RPIA: variants seen among roughly 807,000 people sequenced by gnomAD.
RPIA encodes ribose-5-phosphate isomerase.
RPIA carries 29 observed loss-of-function variants against 37.8 expected under a neutral mutation model. The ratio of observed to expected loss-of-function variants is 0.77; its 90% CI spans 0.57 to 1.05. The LOEUF (loss-of-function observed/expected upper bound fraction) is 1.05, where lower values mean the gene tolerates loss of function less well. Among genes scored for constraint, RPIA ranks in the 50% least tolerant of loss-of-function variants. The pLI, the probability that RPIA is intolerant of heterozygous loss-of-function variation, is 0.00. For synonymous variants in RPIA, 167 were observed against 157.0 expected (o/e 1.06, Z -0.48); for missense variants, 385 against 413.6 (o/e 0.93, Z 0.60).
At chr2:88,721,124 C>T (rs960138515) in intron 3 of RPIA, among the ~76,000 whole-genome samples, 2 of 151,902 alleles carry the variant, frequency 1.3e-5, no homozygotes, top group African/African-American at 2.4e-5. Context: ...AACAGAAAAC[C>T]AGACACTGCA....
chr2:88,699,379 A>G (rs1672801208), intron 2 of RPIA, among the ~76,000 whole-genome samples: 1 of 152,182 alleles, frequency 6.6e-6, no homozygotes, highest in Non-Finnish European at 1.5e-5. Flanking sequence ...TGAAATTTTA[A>G]TACGAATTTT....
chr2:88,709,356 G>A (rs1392535878), intron 3 of RPIA, among the ~76,000 whole-genome samples: 1 of 152,158 alleles, frequency 6.6e-6, no homozygotes, highest in African/African-American at 2.4e-5. Context: ...CTGGGCTGGA[G>A]GTAATTGGAT....
intron 1 of RPIA, among the ~76,000 whole-genome samples, chr2:88,695,919 T>G (rs1672735273): frequency 6.6e-6 from 1 of 151,570 alleles, no homozygotes; most frequent in Admixed American, 6.6e-5. Context: ...TGTGGGGACA[T>G]TAGTATTTGA....
chr2:88,737,921 C>T, intron 7 of RPIA, 56 bp from the exon 8 acceptor site: 1 of 1,313,332 alleles, frequency 7.6e-7, no homozygotes, highest in Non-Finnish European at 1.1e-6. Flanking sequence ...ACTTTCCTGT[C>T]CTTCTCTGCC....
At chr2:88,733,047 G>C (rs1673266101) in intron 4 of RPIA, among the ~76,000 whole-genome samples, 2 of 152,214 alleles carry the variant, frequency 1.3e-5, no homozygotes, top group Non-Finnish European at 2.9e-5. Flanking sequence ...GGCAGAATCA[G>C]AATTTGAACT....
chr2:88,733,371 G>A (rs1325211834), intron 4 of RPIA, among the ~76,000 whole-genome samples: 2 of 152,220 alleles, frequency 1.3e-5, no homozygotes, highest in African/African-American at 4.8e-5. Flanking sequence ...GGTAGCCCAT[G>A]TTTCTGTCAT....
At chr2:88,739,571 G>A (rs1387773976) in intron 8 of RPIA, among the ~76,000 whole-genome samples, 1 of 152,204 alleles carries the variant, frequency 6.6e-6, no homozygotes, top group Non-Finnish European at 1.5e-5. Flanking sequence ...ATTTAAAATA[G>A]TGTGAATATA....
chr2:88,711,451 T>C (rs1480194757), intron 3 of RPIA, among the ~76,000 whole-genome samples: 1 of 152,232 alleles, frequency 6.6e-6, no homozygotes, highest in Non-Finnish European at 1.5e-5. Context: ...GAAATAATTA[T>C]TATCTACAGA....
intron 3 of RPIA, among the ~76,000 whole-genome samples, chr2:88,721,566 CA>C (rs1558694748): frequency 1.9e-3 from 130 of 68,178 alleles, no homozygotes; most frequent in African/African-American, 5.3e-3. Flanking sequence ...CACACACACA[CA>C]CACACCCCCC....
At chr2:88,749,448 TTCTG>T (rs1471033293) in intron 8 of RPIA, among the ~76,000 whole-genome samples, 1 of 152,236 alleles carries the variant, frequency 6.6e-6, no homozygotes, top group African/African-American at 2.4e-5. Flanking sequence ...TCTATGGGGA[TTCTG>T]TCTTTTTCTT....
chr2:88,703,679 T>C (rs1482241286), intron 3 of RPIA, among the ~76,000 whole-genome samples: 1 of 152,214 alleles, frequency 6.6e-6, no homozygotes, highest in Non-Finnish European at 1.5e-5. Flanking sequence ...GGGGCTTCCA[T>C]GAAGACCTCT....
chr2:88,691,974 C>T lies in RPIA; in HGVS notation c.276C>T (p.Asn92=). The T allele has an allele frequency of 6.3e-7, 1 of 1,588,626 alleles. No homozygotes were observed. The highest frequency in any genetic ancestry group is 8.6e-7 in the Non-Finnish European group (1 of 1,168,958). The change falls in exon 1 of 9, where the codon AAC becomes AAT. Residue 92 remains asparagine (N), a synonymous_variant. Transcript: ENST00000283646. ...KKLAGRAAVE[N]HVRNNQVLGI... ...TGGCGGGCCGCGCGGCTGTGGAGAA[C>T]CACGTGAGGGTGAGCACTTCGAAAC...
At chr2:88,716,195 A>G (rs1673034223) in intron 3 of RPIA, among the ~76,000 whole-genome samples, 1 of 152,174 alleles carries the variant, frequency 6.6e-6, no homozygotes, top group Non-Finnish European at 1.5e-5. Context: ...TGAGGACTCA[A>G]AAGAATGCAG....
chr2:88,692,244 A>C (rs1467784553), intron 1 of RPIA, among the ~76,000 whole-genome samples: 5 of 152,196 alleles, frequency 3.3e-5, no homozygotes, highest in Non-Finnish European at 7.4e-5. Context: ...AACAGTTTGC[A>C]AAGTGGAGCC....
intron 3 of RPIA, among the ~76,000 whole-genome samples, chr2:88,722,701 C>T (rs1268339739): frequency 6.6e-6 from 1 of 152,220 alleles, no homozygotes; most frequent in African/African-American, 2.4e-5. Flanking sequence ...GGTGCCCCCA[C>T]AGCCAAAGAG....
At chr2:88,692,871 T>A (rs1184482282) in intron 1 of RPIA, among the ~76,000 whole-genome samples, 1 of 152,186 alleles carries the variant, frequency 6.6e-6, no homozygotes, top group Non-Finnish European at 1.5e-5. Flanking sequence ...TTAGATGATG[T>A]TGGATGAGCT....
chr2:88,692,026 C>T, intron 1 of RPIA, 43 bp downstream of exon 1: 2 of 1,542,308 alleles, frequency 1.3e-6, no homozygotes, highest in Non-Finnish European at 8.7e-7. Context: ...ATGTCCTTGG[C>T]GTGATGGGCT....
intron 3 of RPIA, among the ~76,000 whole-genome samples, chr2:88,711,384 G>A (rs1356874184): frequency 2.0e-5 from 3 of 152,240 alleles, no homozygotes; most frequent in Non-Finnish European, 4.4e-5. Context: ...CTCCAGGGCA[G>A]AGTTGGGACT....
chr2:88,714,874 C>A (rs541715718), intron 3 of RPIA, among the ~76,000 whole-genome samples: 3 of 152,134 alleles, frequency 2.0e-5, no homozygotes, highest in Non-Finnish European at 4.4e-5. Flanking sequence ...GATAGGGTAC[C>A]CTTGTCCTCA....
Sources: allele counts gnomAD v4.1 joint callset (sites outside exome capture counted in the v4.1 genomes callset), GRCh38; gene constraint gnomAD v4.1.1; transcripts MANE v1.5; gene names NCBI Gene and HGNC (gene_info 2026-07-23, HGNC 2026-07-21).